The following COL5A1 variants were observed in gnomAD, a reference collection of about 807,000 sequenced individuals.
COL5A1 encodes collagen alpha-1(V) chain.
A neutral mutation model predicts 263.7 loss-of-function variants in COL5A1; 16 were observed. That is an observed-to-expected ratio of 0.06 (90% CI 0.04 to 0.09). COL5A1 has a LOEUF of 0.09. COL5A1 is among the 10% of genes least tolerant of loss of function. COL5A1 has a pLI of 1.00. For synonymous variants in COL5A1, 1,012 were observed against 1,004.5 expected (o/e 1.01, Z -0.14); for missense variants, 2,036 against 2,540.5 (o/e 0.80, Z 4.27).
At position 134,695,739 on chromosome 9, in the gene COL5A1, A is replaced by G. The variant is rs191672010; in HGVS notation, c.278-4170A>G. ...TCTTCCTCACTCTATCTTCGACCCC[A>G]TGGGTTAGTCCAGCCCAGGGAATGT... On this transcript the variant is annotated intron_variant, in intron 2 of 65. Coordinates refer to ENST00000371817, the MANE Select transcript of COL5A1 (RefSeq NM_000093.5). Among the ~76,000 whole-genome samples the G allele has an allele frequency of 9.4e-4, 143 of 152,278 alleles. 4 individuals are homozygous for G. In the East Asian group the frequency reaches 0.025, roughly 26 times the overall value.
At chr9:134,751,103 C>T (rs1241958332) in intron 13 of COL5A1, among the ~76,000 whole-genome samples, 2 of 151,562 alleles carry the variant, frequency 1.3e-5, no homozygotes, top group African/African-American at 4.9e-5. Context: ...GCTCTGAGAG[C>T]ATGTCAGTGT....
chr9:134,766,846 G>C lies in COL5A1; in HGVS notation c.2134-154G>C, dbSNP rs185358368. Among the ~76,000 whole-genome samples the C allele has an allele frequency of 1.2e-3, 177 of 152,296 alleles. 1 individual carries two copies. Among genetic ancestry groups the C allele is most frequent in the Non-Finnish European group, 1.7e-3 (118 of 68,020 alleles). Reference sequence around the variant, plus strand: ...GCGCTGAGTCCTGGGGCTGCTCTCTGTGGTGGGACCCGGCCGCCTTTCCCT... The same window carrying C: ...GCGCTGAGTCCTGGGGCTGCTCTCTCTGGTGGGACCCGGCCGCCTTTCCCT... On this transcript the variant is annotated intron_variant, in intron 22 of 65. Coordinates refer to ENST00000371817, the MANE Select transcript of COL5A1 (RefSeq NM_000093.5).
At chr9:134,806,064 C>A in intron 41 of COL5A1, 125 bp from the exon 42 acceptor site, 2 of 738,142 alleles carry the variant, frequency 2.7e-6, no homozygotes, top group Non-Finnish European at 4.9e-6. Flanking sequence ...TTGCAAAGGG[C>A]CATAGGGAGC....
chr9:134,779,583 C>A (rs926584011), intron 27 of COL5A1, among the ~76,000 whole-genome samples: 2 of 152,164 alleles, frequency 1.3e-5, no homozygotes, highest in African/African-American at 4.8e-5. Flanking sequence ...CAGGCATTTC[C>A]CTCCCAACAG....
At chr9:134,658,255 G>T (rs990310500) in intron 1 of COL5A1, among the ~76,000 whole-genome samples, 4 of 152,120 alleles carry the variant, frequency 2.6e-5, no homozygotes, top group African/African-American at 7.2e-5. Context: ...ACGCTGGGAG[G>T]TTCTGGACCC....
chr9:134,776,290 A>G (rs1469667083), intron 27 of COL5A1, among the ~76,000 whole-genome samples: 1 of 152,190 alleles, frequency 6.6e-6, no homozygotes, highest in Non-Finnish European at 1.5e-5. Context: ...TTATTTTACA[A>G]ATTCCTGTCG....
intron 64 of COL5A1, among the ~76,000 whole-genome samples, chr9:134,830,654 C>T (rs1048110476): frequency 6.6e-6 from 1 of 152,246 alleles, no homozygotes; most frequent in Non-Finnish European, 1.5e-5. Flanking sequence ...TCTCTGCCCA[C>T]CGGGCTGCAG....
At chr9:134,784,780 C>T (rs915136954) in intron 29 of COL5A1, among the ~76,000 whole-genome samples, 6 of 152,248 alleles carry the variant, frequency 3.9e-5, no homozygotes, top group African/African-American at 7.2e-5. Flanking sequence ...CCGCAGAGCC[C>T]GGGAGCCCGG....
chr9:134,812,583 A>C (rs188732200), intron 47 of COL5A1, 22 bp from the exon 48 acceptor site: 2 of 1,610,584 alleles, frequency 1.2e-6, no homozygotes, highest in East Asian at 4.5e-5. Context: ...CTCTGGGCTC[A>C]GTGGTCTCTC....
intron 1 of COL5A1, among the ~76,000 whole-genome samples, chr9:134,687,309 G>A (rs1207842694): frequency 2.0e-5 from 3 of 152,206 alleles, no homozygotes; most frequent in Non-Finnish European, 4.4e-5. Flanking sequence ...CCTGGGAAGT[G>A]TAGTTTTTAG....
chr9:134,698,602 G>C (rs951506625), intron 2 of COL5A1, among the ~76,000 whole-genome samples: 2 of 152,224 alleles, frequency 1.3e-5, no homozygotes, highest in Non-Finnish European at 2.9e-5. Context: ...GGCCTTCAGC[G>C]TCCCCTTCCT....
intron 5 of COL5A1, 57 bp downstream of exon 5, chr9:134,727,454 G>T: frequency 6.3e-7 from 1 of 1,599,148 alleles, no homozygotes; most frequent in Non-Finnish European, 8.6e-7. Context: ...TGGGATGGTT[G>T]GTGAAGAGAC....
chr9:134,830,960 G>T (rs1839593259), intron 64 of COL5A1, among the ~76,000 whole-genome samples: 2 of 152,220 alleles, frequency 1.3e-5, no homozygotes, highest in Non-Finnish European at 2.9e-5. Context: ...AAGGACCAAG[G>T]TTCCAGAACA....
At position 134,652,907 on chromosome 9, in the gene COL5A1, G is replaced by A. The variant is rs923685921; in HGVS notation, c.109+10611G>A. 1.8e-5 allele frequency: 6 copies of A among 337,116 alleles called. No homozygotes were observed. Among genetic ancestry groups the A allele is most frequent in the Admixed American group, 1.6e-4 (4 of 25,476 alleles). 20.9% of individuals were successfully genotyped at this position (337,116 alleles called of 1,614,324 possible). On this transcript the variant is annotated intron_variant, in intron 1 of 65. Transcript: ENST00000371817. The surrounding 1 kb of genome is among the most constrained non-coding windows in gnomAD (Gnocchi z 4.4). ...GGGCCCAGGAAACTGCATTTCTAAC[G>A]AAGTCAGTTCCCAGACCACGCGGAT... is the stretch of plus-strand genomic sequence containing the variant.
intron 9 of COL5A1, chr9:134,732,338 A>T: frequency 6.2e-6 from 4 of 650,014 alleles, no homozygotes; most frequent in Non-Finnish European, 1.1e-5. Context: ...CTGGACTGTG[A>T]TGGAGGGGGC....
chr9:134,695,123 T>C (rs908306503), intron 2 of COL5A1, among the ~76,000 whole-genome samples: 4 of 152,112 alleles, frequency 2.6e-5, no homozygotes, highest in Non-Finnish European at 5.9e-5. Context: ...GTGCTGTGGG[T>C]GGGGTCCTCT....
chr9:134,753,709 A>C, intron 14 of COL5A1, 141 bp from the exon 15 acceptor site: 1 of 688,236 alleles, frequency 1.5e-6, no homozygotes, highest in Non-Finnish European at 2.7e-6. Context: ...TGTTCGAGGC[A>C]GACAGGTCGC....
rs747483245 is a variant in COL5A1 at position 134,820,239 on chromosome 9, C to A, written c.4554+16C>A. On this transcript the variant is annotated intron_variant, in intron 58 of 65. Coordinates refer to ENST00000371817, the MANE Select transcript of COL5A1 (RefSeq NM_000093.5). ...GGGAGAACAGGTGCGTGAGATGGCA[C>A]TTCTTGCATGTGGGCTGTCGAGAGG... is the stretch of plus-strand genomic sequence containing the variant. 5 of 1,596,894 alleles carry A rather than the reference C, an allele frequency of 3.1e-6. No individual in the cohort carries two copies. The East Asian group carries it at 8.9e-5, about 29-fold the overall frequency.
At position 134,642,151 on chromosome 9, in the gene COL5A1, G is replaced by A. The variant is rs374979485; in HGVS notation, c.-37G>A. 2.3e-3 allele frequency: 2,818 copies of A among 1,238,864 alleles called. 58 individuals are homozygous for A. In the East Asian group the frequency reaches 0.048, roughly 21 times the overall value. 76.7% of individuals were successfully genotyped at this position (1,238,864 alleles called of 1,614,324 possible). The stretch of plus-strand genomic sequence containing the variant: ...CCCCTGTGCGTCCCCGCGCGCCTCC[G>A]AGCGCCCCTGTGCGCCCCGGCCCGC... On this transcript the variant is annotated 5_prime_UTR_variant, in exon 1 of 66. Coordinates refer to ENST00000371817, the MANE Select transcript of COL5A1 (RefSeq NM_000093.5). This position sits in a 1 kb window ranked among gnomAD's most constrained non-coding sequence, Gnocchi z 4.5.
Sources: gnomAD v4.1 joint callset for allele counts (sites outside exome capture counted in the v4.1 genomes callset) on GRCh38, gnomAD v4.1.1 for gene constraint, Gnocchi (gnomAD v3.1) non-coding constraint, MANE v1.5 for transcripts, NCBI Gene and HGNC (gene_info 2026-07-23, HGNC 2026-07-21) for gene names.